The following PHC1 variants were observed in gnomAD, a reference collection of about 807,000 sequenced individuals.
The protein encoded by PHC1 is polyhomeotic-like protein 1.
A neutral mutation model predicts 104.3 loss-of-function variants in PHC1; 12 were observed. The ratio of observed to expected loss-of-function variants is 0.12; its 90% CI spans 0.07 to 0.19. The LOEUF is 0.19. Among genes scored for constraint, PHC1 ranks in the 10% least tolerant of loss-of-function variants. The pLI, the probability that PHC1 is intolerant of heterozygous loss-of-function variation, is 1.00. For synonymous variants in PHC1, 302 were observed against 455.8 expected, an observed-to-expected ratio of 0.66 and a Z score of 4.30; for missense variants, 671 against 1,200.0, an observed-to-expected ratio of 0.56 and a Z score of 6.51.
chr12:8,938,271 C>T (rs367830894), intron 14 of PHC1, among the ~76,000 whole-genome samples: 110 of 152,236 alleles, frequency 7.2e-4, no homozygotes, highest in African/African-American at 2.6e-3. Context: ...GTGTTTGATT[C>T]TCATCTTATG....
chr12:8,937,491 G>A (rs771934988), intron 13 of PHC1, among the ~76,000 whole-genome samples, 165 bp downstream of exon 13: 2 of 152,168 alleles, frequency 1.3e-5, no homozygotes, highest in South Asian at 4.2e-4. Flanking sequence ...TTTGTCTCCG[G>A]ACCTCTTACC....
Position 8,930,832 on chromosome 12 carries a change from A to G in PHC1, c.1010A>G (p.Lys337Arg), listed in dbSNP as rs1377698847. Residue 337 changes from lysine (K) to arginine (R), a missense_variant, in exon 7 of 15, where the codon AAG becomes AGG. Physicochemically the swap from Lys to Arg is conservative, Grantham distance 26 (BLOSUM62 2). This residue lies in a region of PHC1 where 78 missense variants were observed against 140.8 expected (regional missense o/e 0.55). Transcript: ENST00000544916. ...SQTEAESAAA[K>R]KAEADGSGQQ... ...ACAGAGGCAGAAAGTGCAGCAGCCA[A>G]GAAGGCAGAAGCAGATGGGAGTGGC... 2.0e-6 allele frequency: 3 copies of G among 1,536,324 alleles called. No individual in the cohort carries two copies. Among genetic ancestry groups the G allele is most frequent in the South Asian group, 2.5e-5 (2 of 80,736 alleles).
intron 6 of PHC1, among the ~76,000 whole-genome samples, chr12:8,923,488 C>T (rs142869413): frequency 6.6e-6 from 1 of 152,286 alleles, no homozygotes; most frequent in Non-Finnish European, 1.5e-5. Context: ...GTAGGTTCTG[C>T]ATCTCTGGCT....
intron 5 of PHC1, 149 bp downstream of exon 5, chr12:8,921,899 T>G (rs1945377436): frequency 1.4e-6 from 1 of 713,902 alleles, no homozygotes. Flanking sequence ...CTGCAGCCTC[T>G]GCCTCCCAGG....
Position 8,937,199 on chromosome 12 carries a change from A to C in PHC1, c.2501A>C (p.Gln834Pro), listed in dbSNP as rs775772806. Residue 834 changes from glutamine to proline, a missense_variant, in exon 13 of 15, where the codon CAG becomes CCG. Physicochemically the swap from Gln to Pro is moderately conservative, Grantham distance 76. Coordinates refer to ENST00000544916, the MANE Select transcript of PHC1 (RefSeq NM_004426.3). ...AGGTACAATGTGAGCTGTAGCCATC[A>C]GTTCCGGCTGAAGAGGAAAAAAATG... ...AKRYNVSCSH[Q>P]FRLKRKKMKE... The C allele has an allele frequency of 1.2e-6, 2 of 1,612,700 alleles. No homozygotes were observed. Among genetic ancestry groups the C allele is most frequent in the Non-Finnish European group, 1.7e-6 (2 of 1,179,274 alleles).
intron 6 of PHC1, 60 bp downstream of exon 6, chr12:8,922,848 G>A (rs927142205): frequency 1.2e-4 from 184 of 1,482,806 alleles, no homozygotes; most frequent in Non-Finnish European, 1.6e-4. Flanking sequence ...GAATGACCAC[G>A]GACCTGGGTC....
chr12:8,928,233 T>C (rs1031033861), intron 6 of PHC1, among the ~76,000 whole-genome samples: 8 of 152,154 alleles, frequency 5.3e-5, no homozygotes, highest in Non-Finnish European at 1.2e-4. Context: ...TACATGGTCT[T>C]CTTCACTTCA....
At chr12:8,923,977 T>A (rs1945443588) in intron 6 of PHC1, among the ~76,000 whole-genome samples, 2 of 152,100 alleles carry the variant, frequency 1.3e-5, no homozygotes, top group South Asian at 4.1e-4. Context: ...TAGAGGTGAT[T>A]TAAAGTGTAT....
intron 1 of PHC1, among the ~76,000 whole-genome samples, chr12:8,915,578 A>G (rs1945178401): frequency 6.6e-6 from 1 of 152,056 alleles, no homozygotes; most frequent in African/African-American, 2.4e-5. Context: ...GCTACCTTTT[A>G]AGATGACCAT....
intron 6 of PHC1, among the ~76,000 whole-genome samples, chr12:8,927,782 C>T (rs1945558260): frequency 6.6e-6 from 1 of 152,152 alleles, no homozygotes; most frequent in African/African-American, 2.4e-5. Flanking sequence ...CAATATCTCT[C>T]AAAAGCCATC....
intron 11 of PHC1, among the ~76,000 whole-genome samples, chr12:8,935,654 T>C (rs1945815648): frequency 6.6e-6 from 1 of 152,152 alleles, no homozygotes; most frequent in Non-Finnish European, 1.5e-5. Flanking sequence ...AAATGAAGTC[T>C]GTCTACATAT....
chr12:8,937,128 T>G (rs765822991), intron 12 of PHC1, 48 bp from the exon 13 acceptor site: 2 of 1,568,380 alleles, frequency 1.3e-6, no homozygotes, highest in South Asian at 1.2e-5. Flanking sequence ...TAGAGCAGGG[T>G]GGTCTTCTGT....
At chr12:8,914,140 C>A (rs1945125349), upstream of PHC1, among the ~76,000 whole-genome samples, 1 of 152,070 alleles carries the variant, frequency 6.6e-6, no homozygotes, top group Non-Finnish European at 1.5e-5. Context: ...TTATTCCCAG[C>A]AGCTCCAGAA....
chr12:8,915,341 C>T (rs1315658796), intron 1 of PHC1: 1 of 152,216 alleles, frequency 6.6e-6, no homozygotes, highest in Non-Finnish European at 1.5e-5. Context: ...TGGGCGTCTA[C>T]TCCCTGTTCT....
At chr12:8,914,350 G>A (rs1945133756), upstream of PHC1, among the ~76,000 whole-genome samples, 1 of 151,922 alleles carries the variant, frequency 6.6e-6, no homozygotes, top group African/African-American at 2.4e-5. Context: ...TGGGCCTGGA[G>A]CGCAGAGGCC....
chr12:8,928,551 T>A (rs1470939488), intron 6 of PHC1, among the ~76,000 whole-genome samples: 1 of 152,186 alleles, frequency 6.6e-6, no homozygotes, highest in Non-Finnish European at 1.5e-5. Flanking sequence ...CTCGGGTCCT[T>A]TTTTATATGG....
chr12:8,927,855 TTC>T (rs199928211), intron 6 of PHC1, among the ~76,000 whole-genome samples: 2,003 of 33,690 alleles, frequency 0.059, 47 homozygotes, highest in African/African-American at 0.19. Flanking sequence ...TGTACTAGTT[TTC>T]TTTCTTTCTT....
At chr12:8,922,129 A>G (rs1053426042) in intron 5 of PHC1, among the ~76,000 whole-genome samples, 5 of 152,128 alleles carry the variant, frequency 3.3e-5, no homozygotes, top group Non-Finnish European at 5.9e-5. Flanking sequence ...CCATTTTTTT[A>G]AACCATGGTA....
intron 1 of PHC1, chr12:8,915,721 A>G (rs1335552198): frequency 6.6e-6 from 1 of 152,168 alleles, no homozygotes; most frequent in Admixed American, 6.5e-5. Context: ...TGTAGTCATA[A>G]TGTTGATCAC....
Sources: allele counts gnomAD v4.1 joint callset (sites outside exome capture counted in the v4.1 genomes callset), GRCh38; gene constraint gnomAD v4.1.1; regional missense constraint gnomAD v4.1.1; transcripts MANE v1.5; gene names NCBI Gene and HGNC (gene_info 2026-07-23, HGNC 2026-07-21).